Variants in ELP4 observed in about 807,000 individuals in gnomAD.
ELP4 encodes elongator acetyltransferase complex subunit 4, also known as elongator complex protein 4.
In ELP4, 51 loss-of-function variants were observed where a neutral mutation model predicts 48.9. That is an observed-to-expected ratio of 1.04 (90% CI 0.83 to 1.32). The LOEUF is 1.32. ELP4 is among the 40% of genes most tolerant of loss of function. The probability of loss-of-function intolerance (pLI) is 0.00; values close to 1 mark genes in which losing one functional copy is unlikely to be tolerated. For synonymous variants in ELP4, 210 were observed against 189.2 expected, an observed-to-expected ratio of 1.11 and a Z score of -0.90; for missense variants, 519 against 514.6, an observed-to-expected ratio of 1.01 and a Z score of -0.08.
At chr11:31,582,385 T>G (rs1019043742) in intron 3 of ELP4, among the ~76,000 whole-genome samples, 1 of 152,216 alleles carries the variant, frequency 6.6e-6, no homozygotes, top group African/African-American at 2.4e-5. Flanking sequence ...ACCACGTTGA[T>G]CTGGCAGTTC....
intron 9 of ELP4, among the ~76,000 whole-genome samples, chr11:31,691,282 T>C (rs538968206): frequency 2.1e-4 from 32 of 152,202 alleles, no homozygotes; most frequent in Admixed American, 1.9e-3. Context: ...CTAGACTATA[T>C]CTGTTAACGG....
At chr11:31,741,852 A>G (rs1239249538) in intron 9 of ELP4, among the ~76,000 whole-genome samples, 1 of 152,234 alleles carries the variant, frequency 6.6e-6, no homozygotes, top group African/African-American at 2.4e-5. Flanking sequence ...TCCTTCTGCA[A>G]AGGAACGCAG....
At chr11:31,710,698 A>G (rs1264800042) in intron 9 of ELP4, among the ~76,000 whole-genome samples, 3 of 152,180 alleles carry the variant, frequency 2.0e-5, no homozygotes, top group African/African-American at 4.8e-5. Flanking sequence ...ATTGAATTTC[A>G]GAAGAAAAGA....
At chr11:31,577,469 A>G (rs1957306106) in intron 3 of ELP4, among the ~76,000 whole-genome samples, 1 of 152,066 alleles carries the variant, frequency 6.6e-6, no homozygotes, top group Non-Finnish European at 1.5e-5. Flanking sequence ...AAAGCCTGGC[A>G]GAGACACAAC....
chr11:31,783,040 C>G (rs551195223), intron 9 of ELP4, among the ~76,000 whole-genome samples: 48 of 152,312 alleles, frequency 3.2e-4, no homozygotes, highest in African/African-American at 1.2e-3. Flanking sequence ...AAAAAGACAT[C>G]TGCCGTTATT....
At chr11:31,745,448 A>G (rs548331032) in intron 9 of ELP4, among the ~76,000 whole-genome samples, 3 of 152,342 alleles carry the variant, frequency 2.0e-5, no homozygotes, top group Non-Finnish European at 4.4e-5. Flanking sequence ...TCCTAAGCCA[A>G]AAGAACAAAG....
At chr11:31,659,381 T>C (rs1330004628) in intron 9 of ELP4, among the ~76,000 whole-genome samples, 2 of 152,140 alleles carry the variant, frequency 1.3e-5, no homozygotes, top group African/African-American at 4.8e-5. Flanking sequence ...CATTTTGGCA[T>C]GAGCCTTCCA....
intron 9 of ELP4, chr11:31,767,102 T>C (rs967583203): frequency 2.6e-5 from 4 of 152,202 alleles, no homozygotes; most frequent in Non-Finnish European, 4.4e-5. Flanking sequence ...ATATGTATGT[T>C]TCATTTAACT....
intron 9 of ELP4, chr11:31,762,239 A>G (rs1262700567): frequency 6.6e-6 from 1 of 152,212 alleles, no homozygotes; most frequent in Non-Finnish European, 1.5e-5. Context: ...AGATTATATG[A>G]AAATAATGTA....
chr11:31,564,287 A>T (rs1447395036), intron 3 of ELP4, among the ~76,000 whole-genome samples: 1 of 152,078 alleles, frequency 6.6e-6, no homozygotes. Flanking sequence ...AATTATGAAT[A>T]GTAATACTGT....
chr11:31,584,655 G>A (rs1419575622), intron 3 of ELP4, among the ~76,000 whole-genome samples: 2 of 151,992 alleles, frequency 1.3e-5, no homozygotes, highest in Non-Finnish European at 2.9e-5. Context: ...AGCTGCCCAA[G>A]TAGCTGGGAT....
At chr11:31,778,994 A>T (rs1948308992) in intron 9 of ELP4, among the ~76,000 whole-genome samples, 1 of 152,112 alleles carries the variant, frequency 6.6e-6, no homozygotes, top group Non-Finnish European at 1.5e-5. Context: ...TACAGGTGTG[A>T]GCTACCCCGT....
rs1182190041 is a variant in ELP4, at chr11:31,598,482, C to CTT, written c.513+3589_513+3590dup. Among the ~76,000 whole-genome samples, 3 of 126,880 alleles carry CTT rather than the reference C, an allele frequency of 2.4e-5. No homozygotes were observed. In the Admixed American group the frequency reaches 2.4e-4, roughly 10 times the overall value. 83.2% of individuals were successfully genotyped at this position (126,880 alleles called of 152,430 possible). On this transcript the variant is annotated intron_variant, in intron 4 of 9. Transcript: ENST00000640961. The stretch of plus-strand genomic sequence containing the variant: ...AACAAATAAACTTAGTACACTTTTC[C>CTT]TTTTTTTTTCTTTTCTTCTTCTTTT...
At position 31,789,014 on chromosome 11, in the gene ELP4, A is replaced by C. The variant is rs908184789; in HGVS notation, c.*5490A>C. ...TTGATATGTAGTTGTGAACAACTTC[A>C]AAACACTTAAGTTTAAAACTCTTGC... On this transcript the variant is annotated 3_prime_UTR_variant, in exon 10 of 10. Transcript: ENST00000640961. 1 of 200,338 alleles carries C rather than the reference A, an allele frequency of 5.0e-6. No individual in the cohort carries two copies. Among genetic ancestry groups the C allele is most frequent in the Non-Finnish European group, 1.0e-5 (1 of 96,882 alleles). 12.4% of individuals were successfully genotyped at this position (200,338 alleles called of 1,614,324 possible).
chr11:31,738,757 T>A (rs936853977), intron 9 of ELP4, among the ~76,000 whole-genome samples: 2 of 151,878 alleles, frequency 1.3e-5, no homozygotes, highest in Admixed American at 1.3e-4. Flanking sequence ...AAAAAGAAAT[T>A]ATAACATATT....
chr11:31,634,575 C>A (rs537285238), intron 7 of ELP4, among the ~76,000 whole-genome samples: 1 of 151,932 alleles, frequency 6.6e-6, no homozygotes, highest in Admixed American at 6.6e-5. Context: ...GAATCCTGTA[C>A]CCTCTGTTTA....
chr11:31,620,705 A>G (rs867526945), intron 5 of ELP4, among the ~76,000 whole-genome samples: 3 of 152,082 alleles, frequency 2.0e-5, no homozygotes, highest in Middle Eastern at 3.4e-3. Flanking sequence ...AAAGGAAGTC[A>G]GAGTGATGTC....
intron 9 of ELP4, among the ~76,000 whole-genome samples, chr11:31,777,443 G>A (rs185907937): frequency 7.2e-5 from 11 of 152,272 alleles, no homozygotes; most frequent in Non-Finnish European, 1.5e-4. Flanking sequence ...TGGGGCCCCC[G>A]CAGTCAGCTA....
chr11:31,539,033 T>C (rs183175864), intron 2 of ELP4, among the ~76,000 whole-genome samples: 51 of 152,352 alleles, frequency 3.3e-4, no homozygotes, highest in African/African-American at 1.2e-3. Context: ...GGTATTATTT[T>C]TTCCTTCAAA....
Sources: allele counts gnomAD v4.1 joint callset (sites outside exome capture counted in the v4.1 genomes callset), GRCh38; gene constraint gnomAD v4.1.1; transcripts MANE v1.5; gene names NCBI Gene and HGNC (gene_info 2026-07-23, HGNC 2026-07-21).